SNTG1: variants seen among roughly 807,000 people sequenced by gnomAD.
The protein encoded by SNTG1 is syntrophin gamma 1, also known as gamma-1-syntrophin.
Under a neutral mutation model 74.7 loss-of-function variants are expected in SNTG1, and 39 were observed. That is an observed-to-expected ratio of 0.52 (90% CI 0.40 to 0.68). The LOEUF is 0.68. Among genes scored for constraint, SNTG1 ranks in the 30% least tolerant of loss-of-function variants. The pLI is 0.00. For synonymous variants in SNTG1, 254 were observed against 217.1 expected (o/e 1.17, Z -1.49); for missense variants, 685 against 609.5 (o/e 1.12, Z -1.30).
At chr8:50,295,904 T>C (rs1156256767) in intron 2 of SNTG1, among the ~76,000 whole-genome samples, 1 of 152,152 alleles carries the variant, frequency 6.6e-6, no homozygotes, top group African/African-American at 2.4e-5. Context: ...CACCTAATGA[T>C]TGATAACAAA....
chr8:49,915,882 T>C (rs2129337403), intron 1 of SNTG1, among the ~76,000 whole-genome samples: 1 of 152,296 alleles, frequency 6.6e-6, no homozygotes. Flanking sequence ...CTAGATTTTA[T>C]TCATAGGCCT....
intron 8 of SNTG1, among the ~76,000 whole-genome samples, chr8:50,499,351 T>C (rs1283837766): frequency 6.6e-6 from 1 of 151,648 alleles, no homozygotes; most frequent in Non-Finnish European, 1.5e-5. Context: ...TATAAAGAAA[T>C]GTGATTATTT....
At chr8:50,206,032 G>T (rs185213793) in intron 2 of SNTG1, among the ~76,000 whole-genome samples, 1,583 of 152,206 alleles carry the variant, frequency 0.01, 34 homozygotes, top group African/African-American at 0.037. Context: ...TTTGGCTTAG[G>T]GTTGACTTGG....
intron 2 of SNTG1, among the ~76,000 whole-genome samples, chr8:50,309,685 A>T (rs1359271184): frequency 6.6e-6 from 1 of 152,188 alleles, no homozygotes; most frequent in African/African-American, 2.4e-5. Flanking sequence ...TTAGGTATGC[A>T]GCTATTTTAA....
chr8:50,243,089 CTG>C (rs1423322536), intron 2 of SNTG1, among the ~76,000 whole-genome samples: 1 of 151,972 alleles, frequency 6.6e-6, no homozygotes. Context: ...AATTAGTAAA[CTG>C]TTGAACAAAA....
chr8:50,511,878 G>A (rs1191752208), intron 9 of SNTG1, among the ~76,000 whole-genome samples: 1 of 152,116 alleles, frequency 6.6e-6, no homozygotes, highest in Non-Finnish European at 1.5e-5. Context: ...CAATTTGCCA[G>A]TCTGTGTCTT....
At chr8:49,937,737 T>C (rs925255346) in intron 1 of SNTG1, among the ~76,000 whole-genome samples, 3 of 152,214 alleles carry the variant, frequency 2.0e-5, no homozygotes, top group Non-Finnish European at 4.4e-5. Flanking sequence ...AAGGGTCATG[T>C]GAAAAATACC....
At chr8:50,512,809 C>T (rs2094094123) in intron 9 of SNTG1, among the ~76,000 whole-genome samples, 2 of 152,026 alleles carry the variant, frequency 1.3e-5, no homozygotes, top group African/African-American at 2.4e-5. Flanking sequence ...TTTTAGTTAG[C>T]CATTCATCTA....
At chr8:50,111,187 T>G (rs983049458) in intron 1 of SNTG1, among the ~76,000 whole-genome samples, 2 of 152,104 alleles carry the variant, frequency 1.3e-5, no homozygotes, top group African/African-American at 4.8e-5. Context: ...TCCCTCACAC[T>G]TGCTTCCTGA....
At chr8:50,175,795 A>T (rs189286982) in intron 2 of SNTG1, among the ~76,000 whole-genome samples, 22 of 152,196 alleles carry the variant, frequency 1.4e-4, no homozygotes, top group African/African-American at 5.1e-4. Flanking sequence ...AGTAGTTAAT[A>T]TTTTGTTATT....
At chr8:50,624,053 G>T (rs1006008680) in intron 13 of SNTG1, among the ~76,000 whole-genome samples, 2 of 151,648 alleles carry the variant, frequency 1.3e-5, no homozygotes, top group African/African-American at 4.8e-5. Context: ...CAATAAACAG[G>T]CTTTTGTGTT....
At position 50,191,125 on chromosome 8, in the gene SNTG1, G is replaced by A. The variant is rs2083558028; in HGVS notation, c.-28+18490G>A. The stretch of plus-strand genomic sequence containing the variant: ...TACGTAGCCTTCTGAAAGCTCCAAA[G>A]TTTATGAGACTTTTATGTCAAATAT... On this transcript the variant is annotated intron_variant, in intron 2 of 18. Transcript: ENST00000642720. 5.3e-5 allele frequency among the ~76,000 whole-genome samples: 8 copies of A among 152,152 alleles called. No homozygotes were observed. The South Asian group carries it at 1.7e-3, about 32-fold the overall frequency.
intron 2 of SNTG1, among the ~76,000 whole-genome samples, chr8:50,336,925 C>G (rs909340295): frequency 2.0e-5 from 3 of 152,148 alleles, no homozygotes; most frequent in African/African-American, 7.2e-5. Flanking sequence ...TACTATATGT[C>G]TGTTAATTTC....
chr8:50,508,172 G>T (rs2129849347), intron 9 of SNTG1, among the ~76,000 whole-genome samples: 2 of 152,136 alleles, frequency 1.3e-5, no homozygotes, highest in South Asian at 4.2e-4. Context: ...AGCAGTGTTT[G>T]GTTTTTTGTC....
intron 13 of SNTG1, among the ~76,000 whole-genome samples, chr8:50,628,057 T>C (rs1353551162): frequency 5.3e-5 from 8 of 152,206 alleles, no homozygotes; most frequent in Admixed American, 4.6e-4. Context: ...TGAAGCTGCC[T>C]AGGGGCTACC....
chr8:50,730,350 T>C (rs899419873), intron 17 of SNTG1, among the ~76,000 whole-genome samples: 3 of 152,170 alleles, frequency 2.0e-5, no homozygotes, highest in Non-Finnish European at 4.4e-5. Context: ...TTTGAAATAA[T>C]CAAATTAGTG....
chr8:50,666,981 A>T lies in SNTG1; in HGVS notation c.1038+8318A>T, dbSNP rs563223933. Among the ~76,000 whole-genome samples the T allele has an allele frequency of 3.3e-5, 5 of 152,070 alleles. No homozygotes were observed. The East Asian group carries it at 9.7e-4, about 29-fold the overall frequency. ...CTAATATTATTATTTCTTTTATCGC[A>T]ACTGCTTGCATTTTAATAGAAAAGA... On this transcript the variant is annotated intron_variant, in intron 15 of 18. Transcript: ENST00000642720.
chr8:50,106,667 C>A (rs554060853), intron 1 of SNTG1, among the ~76,000 whole-genome samples: 7 of 152,052 alleles, frequency 4.6e-5, no homozygotes, highest in African/African-American at 1.7e-4. Flanking sequence ...TTGAGATGAT[C>A]GTGTGTTTCT....
chr8:50,646,267 T>G (rs1294555505), intron 13 of SNTG1, among the ~76,000 whole-genome samples: 2 of 152,212 alleles, frequency 1.3e-5, no homozygotes, highest in East Asian at 3.9e-4. Flanking sequence ...TCCACTAAGC[T>G]TGAGGCAGCA....
Sources: allele counts gnomAD v4.1 joint callset (sites outside exome capture counted in the v4.1 genomes callset), GRCh38; gene constraint gnomAD v4.1.1; transcripts MANE v1.5; gene names NCBI Gene and HGNC (gene_info 2026-07-23, HGNC 2026-07-21).